The following AGMO variants were observed in gnomAD, a reference collection of about 807,000 sequenced individuals.
The protein encoded by AGMO is glyceryl-ether monooxygenase.
Under a neutral mutation model 60.2 loss-of-function variants are expected in AGMO, and 75 were observed. The observed-to-expected ratio is 1.25, with a 90% CI of 1.03 to 1.51. The LOEUF is 1.51. AGMO is among the 40% of genes most tolerant of loss of function. The pLI is 0.00. For missense variants in AGMO, 763 were observed against 525.5 expected, an observed-to-expected ratio of 1.45 and a Z score of -4.42; for synonymous variants, 261 against 177.1, an observed-to-expected ratio of 1.47 and a Z score of -3.76.
chr7:15,232,789 C>CCACACACACACA (rs1028271575), intron 12 of AGMO, among the ~76,000 whole-genome samples: 10 of 88,482 alleles, frequency 1.1e-4, no homozygotes, highest in Non-Finnish European at 1.6e-4. Flanking sequence ...AACATGGAAA[C>CCACACACACACA]CACACACACA....
At position 15,222,758 on chromosome 7, in the gene AGMO, TTC is replaced by T. The variant is rs1020651601; in HGVS notation, c.1264-21401_1264-21400del. On this transcript the variant is annotated intron_variant, in intron 12 of 12. Coordinates refer to ENST00000342526, the MANE Select transcript of AGMO (RefSeq NM_001004320.2). ...TTTCCATATGTGGTTTCCCCTATCT[TTC>T]TCTCTCTGTCTCACTCAAAACATTT... Among the ~76,000 whole-genome samples the T allele has an allele frequency of 3.9e-5, 6 of 152,140 alleles. No homozygotes were observed. In the East Asian group the frequency reaches 7.7e-4, roughly 20 times the overall value.
intron 12 of AGMO, among the ~76,000 whole-genome samples, chr7:15,357,284 A>G (rs971508675): frequency 6.6e-6 from 1 of 151,740 alleles, no homozygotes; most frequent in East Asian, 1.9e-4. Flanking sequence ...ACCATGAAAC[A>G]TTGTTGAGGA....
chr7:15,521,384 G>A (rs536366312), intron 3 of AGMO, among the ~76,000 whole-genome samples: 7 of 152,140 alleles, frequency 4.6e-5, no homozygotes, highest in African/African-American at 1.4e-4. Flanking sequence ...ACCTGGCAGA[G>A]GCACAACAAA....
At chr7:15,357,190 CGTGTGTGTGTGTGTGTGTGTGTGTGTGT>C (rs36124819) in intron 12 of AGMO, among the ~76,000 whole-genome samples, 2 of 144,362 alleles carry the variant, frequency 1.4e-5, no homozygotes, top group Non-Finnish European at 3.0e-5. Flanking sequence ...TATGAATATT[CGTGTGTGTGTGTGTGTGTGTGTGTGTGT>C]GTGTGTGTGT....
intron 12 of AGMO, among the ~76,000 whole-genome samples, chr7:15,267,369 C>T (rs1433612966): frequency 6.6e-6 from 1 of 151,844 alleles, no homozygotes; most frequent in Non-Finnish European, 1.5e-5. Flanking sequence ...AATAAAAACT[C>T]CATCTGTTTT....
At chr7:15,133,379 G>A in the AGMO span, among the ~76,000 whole-genome samples, 1 of 152,156 alleles carries the variant, frequency 6.6e-6, no homozygotes, top group Non-Finnish European at 1.5e-5. Flanking sequence ...GACAATAAAG[G>A]AAGATGGCAA....
chr7:15,284,262 AAAC>A (rs1219094488), intron 12 of AGMO, among the ~76,000 whole-genome samples: 1 of 152,112 alleles, frequency 6.6e-6, no homozygotes, highest in East Asian at 1.9e-4. Flanking sequence ...TGATACAGAA[AAAC>A]AATACAAAAC....
chr7:15,366,021 A>C, intron 11 of AGMO, 119 bp downstream of exon 11: 1 of 717,768 alleles, frequency 1.4e-6, no homozygotes, highest in Non-Finnish European at 2.2e-6. Context: ...TCAAATACCA[A>C]AATTTTATAT....
At chr7:15,292,571 T>C (rs185610127) in intron 12 of AGMO, among the ~76,000 whole-genome samples, 17 of 152,210 alleles carry the variant, frequency 1.1e-4, no homozygotes, top group Admixed American at 1.1e-3. Context: ...AAAAGCATGT[T>C]ACAATATTGT....
intron 2 of AGMO, among the ~76,000 whole-genome samples, chr7:15,555,888 C>G (rs1048490130): frequency 6.6e-6 from 1 of 151,958 alleles, no homozygotes; most frequent in South Asian, 2.1e-4. Context: ...ATGTAATTAA[C>G]AAACCAACAA....
rs181037269 is a variant in AGMO, at chr7:15,330,905, C to T, written c.1263+34609G>A. Among the ~76,000 whole-genome samples, 4 of 152,082 alleles carry T rather than the reference C, an allele frequency of 2.6e-5. No homozygotes were observed. In the East Asian group the frequency reaches 5.8e-4, roughly 22 times the overall value. ...TTATGGCATTCAAATATTCTGTAAG[C>T]CCCTCCCACAGTGAATTGGGACTAG... On this transcript the variant is annotated intron_variant, in intron 12 of 12. Transcript: ENST00000342526.
At chr7:15,323,904 C>G (rs547695562) in intron 12 of AGMO, among the ~76,000 whole-genome samples, 1 of 152,180 alleles carries the variant, frequency 6.6e-6, no homozygotes, top group African/African-American at 2.4e-5. Flanking sequence ...GGGTTTGAAA[C>G]GTCAATGTTC....
rs1180143076 is a variant in AGMO at position 15,439,989 on chromosome 7, G to A, written c.410-8881C>T. On this transcript the variant is annotated intron_variant, in intron 3 of 12. Coordinates refer to ENST00000342526, the MANE Select transcript of AGMO (RefSeq NM_001004320.2). ...TCCAAAACCACAAAACACCAAACCA[G>A]CTGTATTTTGAAAATAAATGTGTAT... Among the ~76,000 whole-genome samples, 3 of 152,190 alleles carry A rather than the reference G, an allele frequency of 2.0e-5. No homozygotes were observed. In the East Asian group the frequency reaches 5.8e-4, roughly 29 times the overall value.
chr7:15,227,176 TA>T (rs1220112651), intron 12 of AGMO, among the ~76,000 whole-genome samples: 3 of 152,048 alleles, frequency 2.0e-5, no homozygotes, highest in Non-Finnish European at 4.4e-5. Context: ...CAACTTAACT[TA>T]GTACGTAACC....
chr7:15,241,809 G>T (rs73279619), intron 12 of AGMO, among the ~76,000 whole-genome samples: 10 of 152,178 alleles, frequency 6.6e-5, no homozygotes, highest in Admixed American at 3.3e-4. Context: ...GGTCTCAAAG[G>T]TCAAAAGGTG....
the AGMO span, among the ~76,000 whole-genome samples, chr7:15,189,585 T>C: frequency 6.6e-6 from 1 of 152,108 alleles, no homozygotes; most frequent in Non-Finnish European, 1.5e-5. Context: ...CAATAAAATG[T>C]TAAGGAACAG....
At chr7:15,221,424 C>T (rs559159429) in intron 12 of AGMO, among the ~76,000 whole-genome samples, 2 of 151,912 alleles carry the variant, frequency 1.3e-5, no homozygotes, top group African/African-American at 2.4e-5. Context: ...AATGACACGG[C>T]TAAAAAAAAA....
chr7:15,342,389 T>C (rs941038240), intron 12 of AGMO, among the ~76,000 whole-genome samples: 2 of 151,948 alleles, frequency 1.3e-5, no homozygotes, highest in African/African-American at 2.4e-5. Flanking sequence ...ATAAGTGTCT[T>C]CCAAATTCTT....
In AGMO at chr7:15,525,398, T is replaced by A. The variant is rs549362561; in HGVS notation, c.409+19374A>T. On this transcript the variant is annotated intron_variant, in intron 3 of 12. Transcript: ENST00000342526. ...ACCCTTCAACTATTTTACATATACC[T>A]ACCCTTCCCTAATTGGTTTTTTACA... Among the ~76,000 whole-genome samples the A allele has an allele frequency of 2.5e-3, 382 of 152,212 alleles. 1 individual carries two copies. Among genetic ancestry groups the A allele is most frequent in the African/African-American group, 8.9e-3 (368 of 41,534 alleles).
Sources: allele counts gnomAD v4.1 joint callset (sites outside exome capture counted in the v4.1 genomes callset), GRCh38; gene constraint gnomAD v4.1.1; transcripts MANE v1.5; gene names NCBI Gene and HGNC (gene_info 2026-07-23, HGNC 2026-07-21).